CA6: variants seen among roughly 807,000 people sequenced by gnomAD.
CA6 encodes the protein carbonate dehydratase VI.
CA6 carries 28 observed loss-of-function variants against 35.9 expected under a neutral mutation model. The ratio of observed to expected loss-of-function variants is 0.78; its 90% CI spans 0.58 to 1.07. The LOEUF (loss-of-function observed/expected upper bound fraction) is 1.07. Ranked by LOEUF, CA6 falls within the 50% of genes least tolerant of loss-of-function variation. CA6 has a pLI of 0.00. For missense variants in CA6, 377 were observed against 382.0 expected (o/e 0.99, Z 0.11); for synonymous variants, 148 against 152.6 (o/e 0.97, Z 0.22).
Position 8,949,313 on chromosome 1 carries a change from G to T in CA6, c.130G>T (p.Gly44Cys). The T allele has an allele frequency of 6.2e-7, 1 of 1,613,294 alleles. No homozygotes were observed. Among genetic ancestry groups the T allele is most frequent in the Non-Finnish European group, 8.5e-7 (1 of 1,179,564 alleles). ...GCCACAGCACTACCCCGCCTGTGGG[G>T]GCCAGAGACAGTCGCCTATCAACCT... ...HWPQHYPACG[G>C]QRQSPINLQR... Residue 44 changes from glycine (G) to cysteine (C), a missense_variant, in exon 2 of 8, where the codon GGC becomes TGC. By Grantham distance (159) the Gly-to-Cys change is radical. Transcript: ENST00000377443.
At chr1:8,946,237 C>T (rs2124213847) in intron 1 of CA6, among the ~76,000 whole-genome samples, 1 of 152,154 alleles carries the variant, frequency 6.6e-6, no homozygotes, top group East Asian at 1.9e-4. Flanking sequence ...AGGGTTTCAC[C>T]ATGTTGTCCA....
chr1:8,953,174 A>T (rs568778168), intron 2 of CA6, among the ~76,000 whole-genome samples: 1 of 152,216 alleles, frequency 6.6e-6, no homozygotes, highest in Non-Finnish European at 1.5e-5. Flanking sequence ...AGCAATATGC[A>T]TTTAAGTTTC....
At chr1:8,972,411 G>A (rs928045613) in intron 7 of CA6, among the ~76,000 whole-genome samples, 25 of 152,054 alleles carry the variant, frequency 1.6e-4, no homozygotes, top group Non-Finnish European at 7.4e-5. Flanking sequence ...GGCGGCTCAC[G>A]CCTGTAATCC....
At chr1:8,953,033 A>T (rs1401233119) in intron 2 of CA6, among the ~76,000 whole-genome samples, 2 of 152,102 alleles carry the variant, frequency 1.3e-5, no homozygotes, top group Non-Finnish European at 2.9e-5. Flanking sequence ...CCACCTGTTC[A>T]TCTTTCCCTT....
chr1:8,973,757 T>C (rs528797864), intron 7 of CA6, among the ~76,000 whole-genome samples: 1 of 21,926 alleles, frequency 4.6e-5, no homozygotes, highest in African/African-American at 4.0e-4. Context: ...TCTTTCTTTC[T>C]TTCTTTCTTT....
intron 2 of CA6, among the ~76,000 whole-genome samples, chr1:8,956,394 T>C (rs1639684730): frequency 6.6e-6 from 1 of 151,628 alleles, no homozygotes. Flanking sequence ...GCGTGGTGGC[T>C]CATGCCTGTA....
intron 3 of CA6, among the ~76,000 whole-genome samples, chr1:8,957,785 CAAAAAA>C (rs869085886): frequency 3.8e-5 from 3 of 79,302 alleles, no homozygotes; most frequent in Admixed American, 1.4e-4. Flanking sequence ...CTTGTGTCTA[CAAAAAA>C]AAAAAAAAAA....
At chr1:8,951,364 C>A in intron 2 of CA6, 1 of 706,460 alleles carries the variant, frequency 1.4e-6, no homozygotes, top group Non-Finnish European at 2.6e-6. Flanking sequence ...TGAACAAAAG[C>A]CTCATTTTCA....
intron 2 of CA6, among the ~76,000 whole-genome samples, 155 bp from the exon 3 acceptor site, chr1:8,956,982 T>C (rs564112699): frequency 3.3e-5 from 5 of 152,314 alleles, no homozygotes; most frequent in Admixed American, 1.3e-4. Context: ...CTCTTCTCCT[T>C]TGGTGACCCT....
At position 8,967,761 on chromosome 1, in the gene CA6, C is replaced by T. The variant is rs1224099425; in HGVS notation, c.674C>T (p.Thr225Ile). Residue 225 changes from threonine to isoleucine, a missense_variant, in exon 6 of 8, where the codon ACT (threonine) becomes ATT (isoleucine). Transcript: ENST00000377443. ...GGCTCACTCACCACGCCTCCCTGCA[C>T]TGAGAACGTCCACTGGTTTGTGCTG... is the stretch of plus-strand genomic sequence containing the variant. Reference protein sequence around the residue: ...YHGSLTTPPCTENVHWFVLAD... With the variant: ...YHGSLTTPPCIENVHWFVLAD... 2 of 1,614,106 alleles carry T rather than the reference C, an allele frequency of 1.2e-6. No individual in the cohort carries two copies. Among genetic ancestry groups the T allele is most frequent in the East Asian group, 4.5e-5 (2 of 44,876 alleles).
chr1:8,951,385 G>C (rs776228059), intron 2 of CA6: 1 of 742,220 alleles, frequency 1.3e-6, no homozygotes, highest in East Asian at 2.4e-5. Context: ...TCATAATGTC[G>C]AGCTCTTGTT....
Position 8,967,694 on chromosome 1 carries a change from G to C in CA6, c.607G>C (p.Asp203His). The change falls in exon 6 of 8, where the codon GAC becomes CAC. Residue 203 changes from aspartate (D) to histidine (H), a missense_variant. Coordinates refer to ENST00000377443, the MANE Select transcript of CA6 (RefSeq NM_001215.4). ...RTTLTGLDVQDMLPRNLQHYY... is the reference protein window; with the variant it reads ...RTTLTGLDVQHMLPRNLQHYY... ...AACCCTGACTGGCCTTGACGTTCAGGACATGCTGCCCAGGAACCTCCAGCA... is the reference window on the plus strand; with the variant it reads ...AACCCTGACTGGCCTTGACGTTCAGCACATGCTGCCCAGGAACCTCCAGCA... The C allele has an allele frequency of 6.2e-7, 1 of 1,614,074 alleles. No homozygotes were observed. Among genetic ancestry groups the C allele is most frequent in the Admixed American group, 1.7e-5 (1 of 59,998 alleles).
intron 7 of CA6, chr1:8,974,386 C>T: frequency 1.3e-6 from 2 of 1,537,352 alleles, no homozygotes; most frequent in Non-Finnish European, 1.7e-6. Context: ...AGCCAAAATC[C>T]AAGAGTACAG....
chr1:8,959,764 T>A (rs1052301337), intron 4 of CA6, among the ~76,000 whole-genome samples: 1 of 151,462 alleles, frequency 6.6e-6, no homozygotes, highest in African/African-American at 2.4e-5. Flanking sequence ...AGACCCCATC[T>A]CTACTACAAA....
At chr1:8,950,838 C>T (rs1347190860) in intron 2 of CA6, among the ~76,000 whole-genome samples, 1 of 150,474 alleles carries the variant, frequency 6.6e-6, no homozygotes, top group Non-Finnish European at 1.5e-5. Context: ...TGTACTCCAC[C>T]CTGGGCAACA....
At chr1:8,964,237 TTCTCTC>T (rs1207556084) in intron 5 of CA6, among the ~76,000 whole-genome samples, 2 of 151,648 alleles carry the variant, frequency 1.3e-5, no homozygotes, top group African/African-American at 2.4e-5. Flanking sequence ...CATCGTTGAT[TTCTCTC>T]TCTCTCTCTC....
rs554371862 is a variant in CA6 at position 8,948,221 on chromosome 1, C to T, written c.80-1042C>T. 9.2e-5 allele frequency among the ~76,000 whole-genome samples: 14 copies of T among 152,244 alleles called. 1 individual carries two copies. The highest frequency in any genetic ancestry group is 3.1e-4 in the African/African-American group (13 of 41,486). ...CCGAACAGGGAACAGAGGTGGGATT[C>T]TCCATGTCACATGGCTGACTCCAAG... On this transcript the variant is annotated intron_variant, in intron 1 of 7. Transcript: ENST00000377443.
chr1:8,967,885 C>A, intron 6 of CA6, 69 bp downstream of exon 6: 2 of 1,469,054 alleles, frequency 1.4e-6, no homozygotes, highest in Non-Finnish European at 1.9e-6. Flanking sequence ...TTCTCCCCAG[C>A]ATCTCAACGA....
intron 5 of CA6, among the ~76,000 whole-genome samples, chr1:8,966,987 A>AAT (rs1386156614): frequency 2.1e-5 from 1 of 47,508 alleles, no homozygotes; most frequent in East Asian, 2.1e-3. Context: ...AAAAAATAAT[A>AAT]AAAAAAACAA....
Sources: gnomAD v4.1 joint callset for allele counts (sites outside exome capture counted in the v4.1 genomes callset) on GRCh38, gnomAD v4.1.1 for gene constraint, MANE v1.5 for transcripts, NCBI Gene and HGNC (gene_info 2026-07-23, HGNC 2026-07-21) for gene names.